The following KIF5C variants were observed in gnomAD, a reference collection of about 807,000 sequenced individuals.
KIF5C encodes the protein kinesin family member 5C.
A neutral mutation model predicts 125.2 loss-of-function variants in KIF5C; 18 were observed. That is an observed-to-expected ratio of 0.14 (90% CI 0.10 to 0.21). KIF5C has a LOEUF of 0.21. Ranked by LOEUF, KIF5C falls within the 10% of genes least tolerant of loss-of-function variation. The pLI is 1.00. For missense variants in KIF5C, 780 were observed against 1,183.8 expected, an observed-to-expected ratio of 0.66 and a Z score of 5.01; for synonymous variants, 405 against 434.0, an observed-to-expected ratio of 0.93 and a Z score of 0.83.
chr2:148,995,789 A>G (rs79993769), intron 17 of KIF5C, among the ~76,000 whole-genome samples: 4 of 152,244 alleles, frequency 2.6e-5, no homozygotes, highest in Non-Finnish European at 5.9e-5. Context: ...GGTGTGCAGC[A>G]ATGTTTATGA....
At chr2:148,889,156 G>A (rs1341502334) in intron 1 of KIF5C, among the ~76,000 whole-genome samples, 1 of 152,024 alleles carries the variant, frequency 6.6e-6, no homozygotes, top group African/African-American at 2.4e-5. Context: ...TTCCATACAG[G>A]GTCTACTGAT....
intron 21 of KIF5C, among the ~76,000 whole-genome samples, chr2:149,004,969 C>T (rs942550546): frequency 6.6e-6 from 1 of 152,088 alleles, no homozygotes; most frequent in South Asian, 2.1e-4. Flanking sequence ...GAGTCAGTTA[C>T]GGTGAGATAT....
intron 1 of KIF5C, among the ~76,000 whole-genome samples, chr2:148,912,250 T>C (rs1234335284): frequency 1.3e-5 from 2 of 152,162 alleles, no homozygotes; most frequent in African/African-American, 2.4e-5. Context: ...AAATTCCACA[T>C]GTGTGTGGCC....
chr2:148,994,182 G>A (rs546263011), intron 16 of KIF5C, among the ~76,000 whole-genome samples: 2 of 152,266 alleles, frequency 1.3e-5, no homozygotes, highest in East Asian at 3.9e-4. Context: ...TGGTGAGGAG[G>A]GGCCTGCCAT....
intron 11 of KIF5C, 89 bp downstream of exon 11, chr2:148,962,208 C>G (rs998874159): frequency 6.8e-7 from 1 of 1,470,018 alleles, no homozygotes; most frequent in Non-Finnish European, 9.0e-7. Context: ...CTCTGTCACT[C>G]AGGCTGGAGT....
At chr2:148,988,770 GA>G (rs1206863442) in intron 15 of KIF5C, among the ~76,000 whole-genome samples, 1 of 152,182 alleles carries the variant, frequency 6.6e-6, no homozygotes, top group Non-Finnish European at 1.5e-5. Flanking sequence ...CATTAGAATA[GA>G]AAAGGAATAT....
intron 12 of KIF5C, among the ~76,000 whole-genome samples, chr2:148,976,958 C>G (rs1174675755): frequency 6.6e-6 from 1 of 152,126 alleles, no homozygotes; most frequent in Non-Finnish European, 1.5e-5. Context: ...TATCCATGGA[C>G]AAGATCTTTA....
In KIF5C at chr2:148,876,031, G is replaced by A. The variant is rs1422363720; in HGVS notation, c.126+288G>A. Among the ~76,000 whole-genome samples, 1 of 152,064 alleles carries A rather than the reference G, an allele frequency of 6.6e-6. No individual in the cohort carries two copies. Among genetic ancestry groups the A allele is most frequent in the Non-Finnish European group, 1.5e-5 (1 of 67,976 alleles). On this transcript the variant is annotated intron_variant, in intron 1 of 25. Transcript: ENST00000435030. This position sits in a 1 kb window ranked among gnomAD's most constrained non-coding sequence, Gnocchi z 4.7. ...GTTCGCCGGGTGGGGGCCCGGGTGG[G>A]CCCATTGTTCCCCACGCTCGCCTCG... is the stretch of plus-strand genomic sequence containing the variant.
chr2:148,934,788 A>T (rs1340832009), intron 3 of KIF5C, among the ~76,000 whole-genome samples: 2 of 151,746 alleles, frequency 1.3e-5, no homozygotes, highest in African/African-American at 4.8e-5. Flanking sequence ...CTCCACATAC[A>T]TCACACGCCC....
At chr2:148,892,892 T>C (rs1030061606) in intron 1 of KIF5C, among the ~76,000 whole-genome samples, 7 of 152,256 alleles carry the variant, frequency 4.6e-5, no homozygotes, top group Non-Finnish European at 1.0e-4. Flanking sequence ...TTGAAAGATA[T>C]ATCATGAAGA....
intron 1 of KIF5C, among the ~76,000 whole-genome samples, chr2:148,892,032 C>T (rs1681722109): frequency 2.0e-5 from 3 of 152,172 alleles, no homozygotes; most frequent in Admixed American, 2.0e-4. Context: ...GAGGTAACTG[C>T]TCTTGTCATT....
At chr2:148,893,493 C>T (rs530406378) in intron 1 of KIF5C, among the ~76,000 whole-genome samples, 6 of 152,202 alleles carry the variant, frequency 3.9e-5, no homozygotes, top group African/African-American at 7.2e-5. Context: ...TCAGTCTGCA[C>T]GTTCACTCGT....
At chr2:148,992,667 T>C (rs1177652543) in intron 16 of KIF5C, among the ~76,000 whole-genome samples, 3 of 152,242 alleles carry the variant, frequency 2.0e-5, no homozygotes, top group Non-Finnish European at 4.4e-5. Flanking sequence ...TGGATTTATA[T>C]TGTGCTTTGC....
rs773685331 is a variant in KIF5C at position 148,966,015 on chromosome 2, TGA to T, written c.1117+3900_1117+3901del. Among the ~76,000 whole-genome samples the T allele has an allele frequency of 3.9e-5, 6 of 152,280 alleles. No homozygotes were observed. In the South Asian group the frequency reaches 1.2e-3, roughly 32 times the overall value. ...AGGGCATGGCTGGTGTGTGTAAACG[TGA>T]GAGCTGGGCTTTTGAGATGTGGACT... On this transcript the variant is annotated intron_variant, in intron 11 of 25. Coordinates refer to ENST00000435030, the MANE Select transcript of KIF5C (RefSeq NM_004522.3).
chr2:148,900,131 T>C (rs1004330420), intron 1 of KIF5C, among the ~76,000 whole-genome samples: 10 of 152,326 alleles, frequency 6.6e-5, no homozygotes, highest in South Asian at 2.1e-4. Flanking sequence ...TGATTTTTTT[T>C]CCCCATTTGA....
Position 148,924,553 on chromosome 2 carries a change from T to G in KIF5C, c.217+2326T>G, listed in dbSNP as rs555166876. Among the ~76,000 whole-genome samples, 1 of 152,354 alleles carries G rather than the reference T, an allele frequency of 6.6e-6. No homozygotes were observed. Among genetic ancestry groups the G allele is most frequent in the East Asian group, 1.9e-4 (1 of 5,186 alleles). ...CATCTCTCATGCTCCCATCTTTGTC[T>G]GGTGTTTGTTTTTCAAAATTTTGCT... On this transcript the variant is annotated intron_variant, in intron 2 of 25. Transcript: ENST00000435030. The surrounding 1 kb of genome is among the most constrained non-coding windows in gnomAD (Gnocchi z 4.0).
At chr2:148,920,367 C>T (rs1218084423) in intron 1 of KIF5C, among the ~76,000 whole-genome samples, 1 of 152,158 alleles carries the variant, frequency 6.6e-6, no homozygotes, top group Non-Finnish European at 1.5e-5. Context: ...TTGAATTTTA[C>T]AAATAGATAA....
At chr2:148,994,798 T>C (rs901423077) in intron 17 of KIF5C, among the ~76,000 whole-genome samples, 5 of 151,930 alleles carry the variant, frequency 3.3e-5, no homozygotes, top group Admixed American at 2.0e-4. Flanking sequence ...CGCTTCCCGG[T>C]TCCAGCGATT....
chr2:148,906,052 A>G (rs111764509), intron 1 of KIF5C, among the ~76,000 whole-genome samples: 29,002 of 152,040 alleles, frequency 0.19, 4,825 homozygotes, highest in African/African-American at 0.45. Context: ...TTCAAGATGA[A>G]ATTTGGGTGG....
Sources: gnomAD v4.1 joint callset for allele counts (sites outside exome capture counted in the v4.1 genomes callset) on GRCh38, gnomAD v4.1.1 for gene constraint, Gnocchi (gnomAD v3.1) non-coding constraint, MANE v1.5 for transcripts, NCBI Gene and HGNC (gene_info 2026-07-23, HGNC 2026-07-21) for gene names.